PCED1B: variants seen among roughly 807,000 people sequenced by gnomAD.
PCED1B encodes the protein PC-esterase domain-containing protein 1B.
For synonymous variants in PCED1B, 251 were observed against 246.1 expected (o/e 1.02, Z -0.19); for missense variants, 573 against 573.9 (o/e 1.00, Z 0.02).
At chr12:47,202,148 G>A (rs529539147) in intron 2 of PCED1B, among the ~76,000 whole-genome samples, 1 of 152,312 alleles carries the variant, frequency 6.6e-6, no homozygotes, top group Non-Finnish European at 1.5e-5. Flanking sequence ...TCGAGAACCT[G>A]ATTCTAATGT....
At chr12:47,158,899 C>G (rs80191860) in intron 2 of PCED1B, among the ~76,000 whole-genome samples, 2,316 of 152,250 alleles carry the variant, frequency 0.015, 59 homozygotes, top group African/African-American at 0.053. Context: ...GCCAACCTCT[C>G]TTTATCTCCT....
At chr12:47,145,374 G>C (rs941601496) in intron 2 of PCED1B, among the ~76,000 whole-genome samples, 1 of 152,210 alleles carries the variant, frequency 6.6e-6, no homozygotes, top group Non-Finnish European at 1.5e-5. Context: ...AGAAGCTGCA[G>C]GATGTTATTT....
At chr12:47,152,590 T>C (rs1202438880) in intron 2 of PCED1B, among the ~76,000 whole-genome samples, 3 of 152,136 alleles carry the variant, frequency 2.0e-5, no homozygotes, top group Non-Finnish European at 4.4e-5. Context: ...GAAATTTGAT[T>C]AAGTTCCACA....
At chr12:47,140,597 C>T (rs1300425757) in intron 2 of PCED1B, among the ~76,000 whole-genome samples, 4 of 152,142 alleles carry the variant, frequency 2.6e-5, no homozygotes, top group Admixed American at 2.6e-4. Flanking sequence ...ACATAGAAAA[C>T]ACAACCAAGA....
At chr12:47,156,652 A>C (rs968047696) in intron 2 of PCED1B, among the ~76,000 whole-genome samples, 2 of 151,350 alleles carry the variant, frequency 1.3e-5, no homozygotes, top group African/African-American at 4.9e-5. Flanking sequence ...TGACCATACC[A>C]CCTCCTCCAG....
At chr12:47,184,152 G>T (rs540884249) in intron 2 of PCED1B, among the ~76,000 whole-genome samples, 11 of 152,066 alleles carry the variant, frequency 7.2e-5, no homozygotes, top group Admixed American at 4.6e-4. Context: ...TGCTGGGATT[G>T]CACCGCACCA....
At chr12:47,132,518 C>T (rs1169468356) in intron 2 of PCED1B, among the ~76,000 whole-genome samples, 7 of 152,166 alleles carry the variant, frequency 4.6e-5, no homozygotes, top group African/African-American at 1.4e-4. Flanking sequence ...ATCAGGAAAG[C>T]AATCCATCTC....
At chr12:47,212,481 C>G (rs1795253365) in intron 2 of PCED1B, among the ~76,000 whole-genome samples, 1 of 152,138 alleles carries the variant, frequency 6.6e-6, no homozygotes, top group South Asian at 2.1e-4. Context: ...CCCAGGAAGC[C>G]TGGTCTTTAG....
At chr12:47,140,401 C>A (rs1274466746) in intron 2 of PCED1B, among the ~76,000 whole-genome samples, 1 of 152,112 alleles carries the variant, frequency 6.6e-6, no homozygotes, top group Non-Finnish European at 1.5e-5. Context: ...GATTCTTGAC[C>A]TATATTATCT....
chr12:47,152,283 C>G (rs969452536), intron 2 of PCED1B, among the ~76,000 whole-genome samples: 2 of 152,092 alleles, frequency 1.3e-5, no homozygotes, highest in African/African-American at 4.8e-5. Flanking sequence ...ACCACATTAA[C>G]CAAAGTCAAT....
At chr12:47,152,446 C>T (rs1941029321) in intron 2 of PCED1B, among the ~76,000 whole-genome samples, 3 of 152,114 alleles carry the variant, frequency 2.0e-5, no homozygotes, top group Admixed American at 6.6e-5. Context: ...AATTGAAAGA[C>T]TCTTCATAAT....
chr12:47,094,229 T>C (rs1938381720), intron 1 of PCED1B, among the ~76,000 whole-genome samples: 1 of 152,164 alleles, frequency 6.6e-6, no homozygotes, highest in Non-Finnish European at 1.5e-5. Flanking sequence ...GTTCACATTG[T>C]CTGATATTAG....
intron 2 of PCED1B, among the ~76,000 whole-genome samples, chr12:47,143,997 T>C (rs1242912613): frequency 6.6e-6 from 1 of 152,204 alleles, no homozygotes; most frequent in Non-Finnish European, 1.5e-5. Flanking sequence ...CTGTAGTTAC[T>C]CCACCCCTGC....
intron 1 of PCED1B, among the ~76,000 whole-genome samples, chr12:47,096,900 G>T (rs1388303858): frequency 6.6e-6 from 1 of 152,178 alleles, no homozygotes; most frequent in East Asian, 1.9e-4. Flanking sequence ...ACCAAAAGTA[G>T]ATATGTAAGA....
At chr12:47,218,983 AT>A (rs1359187135) in intron 3 of PCED1B, among the ~76,000 whole-genome samples, 1 of 152,076 alleles carries the variant, frequency 6.6e-6, no homozygotes, top group African/African-American at 2.4e-5. Context: ...TCTACTAAAA[AT>A]AGAACAATTA....
chr12:47,111,055 A>T (rs1176637337), intron 2 of PCED1B, among the ~76,000 whole-genome samples: 2 of 152,178 alleles, frequency 1.3e-5, no homozygotes, highest in Non-Finnish European at 2.9e-5. Flanking sequence ...AAGTGGTCTG[A>T]TTTCTGAAAA....
rs75601077 is a variant in PCED1B, at chr12:47,185,489, T to C, written c.-525-30733T>C. Among the ~76,000 whole-genome samples, 462 of 152,272 alleles carry C rather than the reference T, an allele frequency of 3.0e-3. 6 individuals carry two copies. Among genetic ancestry groups the C allele is most frequent in the African/African-American group, 0.011 (442 of 41,552 alleles). On this transcript the variant is annotated intron_variant, in intron 2 of 3. Transcript: ENST00000546455. ...CCTAGGTTCTCCAGCTAGGGAAAAT[T>C]AGACTGCATATTAGAGTGGCCCGGC...
At chr12:47,082,083 ATCT>A (rs2137132821) in intron 1 of PCED1B, among the ~76,000 whole-genome samples, 1 of 152,316 alleles carries the variant, frequency 6.6e-6, no homozygotes, top group East Asian at 1.9e-4. Context: ...ATAAGAGTTG[ATCT>A]TAAGGTATAA....
intron 1 of PCED1B, among the ~76,000 whole-genome samples, chr12:47,086,611 G>C (rs1226877397): frequency 1.3e-5 from 2 of 152,118 alleles, no homozygotes; most frequent in Non-Finnish European, 2.9e-5. Context: ...ATGAAAATTA[G>C]CTTTAAAAAA....
Sources: allele counts gnomAD v4.1 joint callset (sites outside exome capture counted in the v4.1 genomes callset), GRCh38; gene constraint gnomAD v4.1.1; transcripts MANE v1.5; gene names NCBI Gene and HGNC (gene_info 2026-07-23, HGNC 2026-07-21).